Variants in TAS2R41 observed in about 807,000 individuals in gnomAD.
The protein encoded by TAS2R41 is taste receptor type 2 member 41.
TAS2R41 carries 33 observed loss-of-function variants against 25.1 expected under a neutral mutation model. The observed-to-expected ratio is 1.31, with a 90% CI of 1.00 to 1.76. The LOEUF (loss-of-function observed/expected upper bound fraction) is 1.76, where lower values mean the gene tolerates loss of function less well. Among genes scored for constraint, TAS2R41 ranks in the 40% most tolerant of loss-of-function variants. The pLI is 0.00. For missense variants in TAS2R41, 319 were observed against 359.4 expected (o/e 0.89, Z 0.91); for synonymous variants, 151 against 151.6 (o/e 1.00, Z 0.03).
rs751153552 is a variant in TAS2R41 at position 143,477,900 on chromosome 7, G to A, written c.28G>A (p.Val10Met). The change falls in exon 1 of 1, where the codon GTG becomes ATG. Residue 10 changes from valine (V) to methionine (M), a missense_variant. By Grantham distance (21) the Val-to-Met change is conservative. Coordinates refer to ENST00000408916, the MANE Select transcript of TAS2R41 (RefSeq NM_176883.2). The surrounding 1 kb of genome is among the most constrained non-coding windows in gnomAD (Gnocchi z 4.0). ...GCAAGCAGCACTGACGGCCTTCTTCGTGTTGCTCTTTAGCCTGCTGAGTCT... is the reference window on the plus strand; with the variant it reads ...GCAAGCAGCACTGACGGCCTTCTTCATGTTGCTCTTTAGCCTGCTGAGTCT... MQAALTAFFVLLFSLLSLLG... is the reference protein window; with the variant it reads MQAALTAFFMLLFSLLSLLG... The A allele has an allele frequency of 3.4e-5, 55 of 1,614,026 alleles. No homozygotes were observed. Among genetic ancestry groups the A allele is most frequent in the South Asian group, 5.5e-5 (5 of 91,084 alleles).
In TAS2R41 at chr7:143,478,279, G is replaced by A. The variant is rs1029540439; in HGVS notation, c.407G>A (p.Gly136Asp). The A allele has an allele frequency of 1.2e-6, 2 of 1,613,960 alleles. No individual in the cohort carries two copies. The highest frequency in any genetic ancestry group is 1.7e-6 in the Non-Finnish European group (2 of 1,179,990). The change falls in exon 1 of 1, where the codon GGC becomes GAC. Residue 136 changes from glycine (G) to aspartate (D), a missense_variant. By Grantham distance (94) the Gly-to-Asp change is moderately conservative. Coordinates refer to ENST00000408916, the MANE Select transcript of TAS2R41 (RefSeq NM_176883.2). ...FPGWVPWLLL[G>D]SVLISFIITL... ...GGGTGGGTGCCCTGGCTCCTGTTGGGCTCTGTCCTGATCTCCTTCATCATA... is the reference window on the plus strand; with the variant it reads ...GGGTGGGTGCCCTGGCTCCTGTTGGACTCTGTCCTGATCTCCTTCATCATA...
Position 143,478,548 on chromosome 7 carries a change from A to G in TAS2R41, c.676A>G (p.Thr226Ala). ...HNGHSLQDPS[T>A]QAHTRALKSL... ...CGGGCACAGCCTGCAGGACCCCAGC[A>G]CCCAGGCTCACACCAGAGCTCTGAA... Residue 226 changes from threonine to alanine, a missense_variant, in exon 1 of 1, where the codon ACC becomes GCC. Physicochemically the swap from Thr to Ala is moderately conservative, Grantham distance 58. Transcript: ENST00000408916. 6.2e-7 allele frequency: 1 copy of G among 1,614,042 alleles called. No homozygotes were observed. Among genetic ancestry groups the G allele is most frequent in the Non-Finnish European group, 8.5e-7 (1 of 1,180,020 alleles).
chr7:143,478,719 C>T lies in TAS2R41; in HGVS notation c.847C>T (p.Leu283Phe). Residue 283 changes from leucine (L) to phenylalanine (F), a missense_variant, in exon 1 of 1, where the codon CTC becomes TTC. Coordinates refer to ENST00000408916, the MANE Select transcript of TAS2R41 (RefSeq NM_176883.2). ...GTGCATATCTGTCCATCCCTTCATC[C>T]TCATCTTCAGCAACCTCAAGCTTCG... ...YLCISVHPFI[L>F]IFSNLKLRSV... is the part of the protein sequence containing the mutation. 4 of 1,614,158 alleles carry T rather than the reference C, an allele frequency of 2.5e-6. No homozygotes were observed. In the South Asian group the frequency reaches 3.3e-5, roughly 13 times the overall value.
Position 143,478,137 on chromosome 7 carries a change from T to C in TAS2R41, c.265T>C (p.Trp89Arg). 1 of 1,614,130 alleles carries C rather than the reference T, an allele frequency of 6.2e-7. No homozygotes were observed. Among genetic ancestry groups the C allele is most frequent in the South Asian group, 1.1e-5 (1 of 91,082 alleles). Reference sequence around the variant, plus strand: ...CGGCCGACAGTTCTTCCATCTACACTGGCACTTCCTGAACTCAGCCACCTT... The same window carrying C: ...CGGCCGACAGTTCTTCCATCTACACCGGCACTTCCTGAACTCAGCCACCTT... The part of the protein sequence containing the change: ...GLGRQFFHLH[W>R]HFLNSATFWF... Residue 89 changes from tryptophan to arginine, a missense_variant, in exon 1 of 1, where the codon TGG becomes CGG. Trp to Arg is a moderately radical substitution (Grantham distance 101). Coordinates refer to ENST00000408916, the MANE Select transcript of TAS2R41 (RefSeq NM_176883.2).
Position 143,478,289 on chromosome 7 carries a change from G to A in TAS2R41, c.417G>A (p.Leu139=), listed in dbSNP as rs748830538. Reference sequence around the variant, plus strand: ...CCTGGCTCCTGTTGGGCTCTGTCCTGATCTCCTTCATCATAACCCTGCTGT... The same window carrying A: ...CCTGGCTCCTGTTGGGCTCTGTCCTAATCTCCTTCATCATAACCCTGCTGT... The part of the protein sequence containing the change: ...WVPWLLLGSV[L]ISFIITLLFF... Residue 139 remains leucine (L), a synonymous_variant, in exon 1 of 1, where the codon CTG becomes CTA. Transcript: ENST00000408916. The A allele has an allele frequency of 2.5e-6, 4 of 1,613,962 alleles. No homozygotes were observed. The highest frequency in any genetic ancestry group is 3.4e-6 in the Non-Finnish European group (4 of 1,179,992).
chr7:143,478,060 C>T lies in TAS2R41; in HGVS notation c.188C>T (p.Thr63Met), dbSNP rs780642693. 216 of 1,613,964 alleles carry T rather than the reference C, an allele frequency of 1.3e-4. No individual in the cohort carries two copies. Among genetic ancestry groups the T allele is most frequent in the African/African-American group, 2.9e-4 (22 of 74,872 alleles). Residue 63 changes from threonine to methionine, a missense_variant, in exon 1 of 1, where the codon ACG becomes ATG. Thr to Met is a moderately conservative substitution (Grantham distance 81). Transcript: ENST00000408916. Reference protein sequence around the residue: ...ASRFCLQLVGTVHNFYYSAQK... With the variant: ...ASRFCLQLVGMVHNFYYSAQK... The stretch of plus-strand genomic sequence containing the variant: ...CGCTTCTGCCTGCAGTTGGTTGGGA[C>T]GGTGCACAACTTCTACTACTCTGCC...
rs781728761 is a variant in TAS2R41 at position 143,478,179 on chromosome 7, C to G, written c.307C>G (p.Leu103Val). The change falls in exon 1 of 1, where the codon CTC becomes GTC. Residue 103 changes from leucine (L) to valine (V), a missense_variant. Leu to Val is a conservative substitution (Grantham distance 32). Coordinates refer to ENST00000408916, the MANE Select transcript of TAS2R41 (RefSeq NM_176883.2). ...AGCCACCTTCTGGTTTTGCAGCTGG[C>G]TCAGTGTCCTGTTCTGTGTGAAGAT... ...NSATFWFCSW[L>V]SVLFCVKIAN... 1.2e-6 allele frequency: 2 copies of G among 1,614,156 alleles called. No homozygotes were observed. Among genetic ancestry groups the G allele is most frequent in the Non-Finnish European group, 1.7e-6 (2 of 1,180,038 alleles).
Position 143,478,295 on chromosome 7 carries a change from C to T in TAS2R41, c.423C>T (p.Ser141=), listed in dbSNP as rs552745650. ...TCCTGTTGGGCTCTGTCCTGATCTC[C>T]TTCATCATAACCCTGCTGTTTTTTT... The part of the protein sequence containing the change: ...PWLLLGSVLI[S]FIITLLFFWV... The change falls in exon 1 of 1, where the codon TCC becomes TCT. Residue 141 remains serine (S), a synonymous_variant. Coordinates refer to ENST00000408916, the MANE Select transcript of TAS2R41 (RefSeq NM_176883.2). The T allele has an allele frequency of 2.8e-5, 45 of 1,614,066 alleles. No homozygotes were observed. In the Admixed American group the frequency reaches 5.8e-4, roughly 21 times the overall value.
rs759457614 is a variant in TAS2R41 at position 143,478,447 on chromosome 7, C to A, written c.575C>A (p.Pro192His). The A allele has an allele frequency of 9.3e-6, 15 of 1,613,998 alleles. No homozygotes were observed. Among genetic ancestry groups the A allele is most frequent in the Non-Finnish European group, 1.1e-5 (13 of 1,179,990 alleles). ...CTGAAACTGGTCATCTGGTCAATTC[C>A]TTTTTCTGTTTTTCTGGTCTCAATT... ...PSLKLVIWSI[P>H]FSVFLVSIML... Residue 192 changes from proline to histidine, a missense_variant, in exon 1 of 1, where the codon CCT (proline) becomes CAT (histidine). Physicochemically the swap from Pro to His is moderately conservative, Grantham distance 77. Transcript: ENST00000408916.
In TAS2R41 at chr7:143,478,459, T is replaced by C. The variant is rs774344761; in HGVS notation, c.587T>C (p.Phe196Ser). Reference protein sequence around the residue: ...LVIWSIPFSVFLVSIMLLINS... With the variant: ...LVIWSIPFSVSLVSIMLLINS... ...ATCTGGTCAATTCCTTTTTCTGTTT[T>C]TCTGGTCTCAATTATGCTGTTAATT... Residue 196 changes from phenylalanine (F) to serine (S), a missense_variant, in exon 1 of 1, where the codon TTT (phenylalanine) becomes TCT (serine). Coordinates refer to ENST00000408916, the MANE Select transcript of TAS2R41 (RefSeq NM_176883.2). 1.2e-6 allele frequency: 2 copies of C among 1,614,158 alleles called. No homozygotes were observed. The highest frequency in any genetic ancestry group is 1.7e-6 in the Non-Finnish European group (2 of 1,180,028).
In TAS2R41 at chr7:143,478,260, G is replaced by A. The variant is rs146208812; in HGVS notation, c.388G>A (p.Val130Met). Residue 130 changes from valine to methionine, a missense_variant, in exon 1 of 1, where the codon GTG becomes ATG. Coordinates refer to ENST00000408916, the MANE Select transcript of TAS2R41 (RefSeq NM_176883.2). ...GCTGAAGTGGAGGTTCCCAGGGTGG[G>A]TGCCCTGGCTCCTGTTGGGCTCTGT... The part of the protein sequence containing the change: ...LWLKWRFPGW[V>M]PWLLLGSVLI... The A allele has an allele frequency of 2.5e-6, 4 of 1,614,020 alleles. No homozygotes were observed. Among genetic ancestry groups the A allele is most frequent in the East Asian group, 4.5e-5 (2 of 44,862 alleles).
At position 143,478,076 on chromosome 7, in the gene TAS2R41, C is replaced by T. The variant is rs1334559524; in HGVS notation, c.204C>T (p.Tyr68=). The change falls in exon 1 of 1, where the codon TAC becomes TAT. Residue 68 remains tyrosine, a synonymous_variant. Transcript: ENST00000408916. The part of the protein sequence containing the change: ...LQLVGTVHNF[Y]YSAQKVEYSG... ...TGGTTGGGACGGTGCACAACTTCTACTACTCTGCCCAGAAGGTCGAGTACT... is the reference window on the plus strand; with the variant it reads ...TGGTTGGGACGGTGCACAACTTCTATTACTCTGCCCAGAAGGTCGAGTACT... 1 of 1,614,132 alleles carries T rather than the reference C, an allele frequency of 6.2e-7. No individual in the cohort carries two copies. The highest frequency in any genetic ancestry group is 1.7e-5 in the Admixed American group (1 of 60,012).
At position 143,478,157 on chromosome 7, in the gene TAS2R41, C is replaced by T. The variant is rs747428748; in HGVS notation, c.285C>T (p.Ala95=). ...TACACTGGCACTTCCTGAACTCAGC[C>T]ACCTTCTGGTTTTGCAGCTGGCTCA... is the stretch of plus-strand genomic sequence containing the variant. ...FHLHWHFLNS[A]TFWFCSWLSV... is the part of the protein sequence containing the mutation. The change falls in exon 1 of 1, where the codon GCC becomes GCT. Residue 95 remains alanine, a synonymous_variant. Transcript: ENST00000408916. 2.5e-6 allele frequency: 4 copies of T among 1,613,964 alleles called. No homozygotes were observed. Among genetic ancestry groups the T allele is most frequent in the East Asian group, 2.2e-5 (1 of 44,874 alleles).
At position 143,478,142 on chromosome 7, in the gene TAS2R41, C is replaced by T. The variant is rs777967709; in HGVS notation, c.270C>T (p.His90=). 5.6e-6 allele frequency: 9 copies of T among 1,614,030 alleles called. No individual in the cohort carries two copies. The African/African-American group carries it at 6.7e-5, about 12-fold the overall frequency. ...GACAGTTCTTCCATCTACACTGGCA[C>T]TTCCTGAACTCAGCCACCTTCTGGT... ...LGRQFFHLHW[H]FLNSATFWFC... Residue 90 remains histidine, a synonymous_variant, in exon 1 of 1, where the codon CAC becomes CAT. Coordinates refer to ENST00000408916, the MANE Select transcript of TAS2R41 (RefSeq NM_176883.2).
Position 143,478,092 on chromosome 7 carries a change from G to A in TAS2R41, c.220G>A (p.Val74Ile), listed in dbSNP as rs1807062658. Reference protein sequence around the residue: ...VHNFYYSAQKVEYSGGLGRQF... With the variant: ...VHNFYYSAQKIEYSGGLGRQF... ...CAACTTCTACTACTCTGCCCAGAAG[G>A]TCGAGTACTCTGGGGGTCTCGGCCG... The change falls in exon 1 of 1, where the codon GTC becomes ATC. Residue 74 changes from valine to isoleucine, a missense_variant. Transcript: ENST00000408916. The A allele has an allele frequency of 6.2e-6, 10 of 1,614,116 alleles. No individual in the cohort carries two copies. The highest frequency in any genetic ancestry group is 8.5e-6 in the Non-Finnish European group (10 of 1,180,018).
chr7:143,478,356 A>G lies in TAS2R41; in HGVS notation c.484A>G (p.Arg162Gly). 1.5e-5 allele frequency: 25 copies of G among 1,614,108 alleles called. No individual in the cohort carries two copies. The highest frequency in any genetic ancestry group is 1.5e-5 in the Non-Finnish European group (18 of 1,180,012). Residue 162 changes from arginine (R) to glycine (G), a missense_variant, in exon 1 of 1, where the codon AGA (arginine) becomes GGA (glycine). Arg to Gly is a moderately radical substitution (Grantham distance 125). Transcript: ENST00000408916. ...CCCTGTATATCAAGAATTTTTAATT[A>G]GAAAATTTTCTGGGAACATGACCTA... ...NYPVYQEFLI[R>G]KFSGNMTYKW...
In TAS2R41 at chr7:143,478,421, C is replaced by T. The variant is rs1221900421; in HGVS notation, c.549C>T (p.Ser183=). The change falls in exon 1 of 1, where the codon TCC becomes TCT. Residue 183 remains serine, a synonymous_variant. Coordinates refer to ENST00000408916, the MANE Select transcript of TAS2R41 (RefSeq NM_176883.2). ...NTRIETYYFP[S]LKLVIWSIPF... ...GGATAGAAACATACTATTTCCCATC[C>T]CTGAAACTGGTCATCTGGTCAATTC... 6.2e-7 allele frequency: 1 copy of T among 1,614,102 alleles called. No homozygotes were observed. Among genetic ancestry groups the T allele is most frequent in the South Asian group, 1.1e-5 (1 of 91,082 alleles).
Position 143,478,306 on chromosome 7 carries a change from C to A in TAS2R41, c.434C>A (p.Thr145Asn). Residue 145 changes from threonine (T) to asparagine (N), a missense_variant, in exon 1 of 1, where the codon ACC (threonine) becomes AAC (asparagine). Thr to Asn is a moderately conservative substitution (Grantham distance 65). Transcript: ENST00000408916. The part of the protein sequence containing the change: ...LGSVLISFII[T>N]LLFFWVNYPV... ...TCTGTCCTGATCTCCTTCATCATAA[C>A]CCTGCTGTTTTTTTGGGTGAACTAC... 6.2e-7 allele frequency: 1 copy of A among 1,614,014 alleles called. No homozygotes were observed. The highest frequency in any genetic ancestry group is 1.1e-5 in the South Asian group (1 of 91,078).
In TAS2R41 at chr7:143,478,408, A is replaced by C. The variant is rs748742683; in HGVS notation, c.536A>C (p.Tyr179Ser). ...TYKWNTRIET[Y>S]YFPSLKLVIW... ...AAGTGGAATACAAGGATAGAAACAT[A>C]CTATTTCCCATCCCTGAAACTGGTC... Residue 179 changes from tyrosine to serine, a missense_variant, in exon 1 of 1, where the codon TAC (tyrosine) becomes TCC (serine). Transcript: ENST00000408916. 3 of 1,614,078 alleles carry C rather than the reference A, an allele frequency of 1.9e-6. No homozygotes were observed. Among genetic ancestry groups the C allele is most frequent in the Non-Finnish European group, 2.5e-6 (3 of 1,180,026 alleles).
Sources: allele counts gnomAD v4.1 joint callset, GRCh38; gene constraint gnomAD v4.1.1; non-coding constraint Gnocchi (gnomAD v3.1); transcripts MANE v1.5; gene names NCBI Gene and HGNC (gene_info 2026-07-23, HGNC 2026-07-21).